MSL2: variants seen among roughly 807,000 people sequenced by gnomAD.
MSL2 encodes the protein MSL complex subunit 2.
A neutral mutation model predicts 35.8 loss-of-function variants in MSL2; 2 were observed. That is an observed-to-expected ratio of 0.06 (90% CI 0.02 to 0.18). MSL2 has a LOEUF of 0.18. Ranked by LOEUF, MSL2 falls within the 10% of genes least tolerant of loss-of-function variation. The probability of loss-of-function intolerance (pLI) is 1.00; values close to 1 mark genes in which losing one functional copy is unlikely to be tolerated. For synonymous variants in MSL2, 296 were observed against 255.7 expected (o/e 1.16, Z -1.50); for missense variants, 523 against 706.7 (o/e 0.74, Z 2.95).
chr3:136,165,109 C>G (rs192757607), intron 1 of MSL2, among the ~76,000 whole-genome samples: 57 of 151,568 alleles, frequency 3.8e-4, no homozygotes, highest in African/African-American at 1.3e-3. Flanking sequence ...TGCTGGCGCT[C>G]AGGTGATCCG....
intron 1 of MSL2, among the ~76,000 whole-genome samples, chr3:136,191,858 T>C (rs996312296): frequency 2.6e-5 from 4 of 152,182 alleles, no homozygotes; most frequent in African/African-American, 9.7e-5. Flanking sequence ...ATAAAGGCAA[T>C]TGGCAAAAAG....
At chr3:136,187,045 T>C (rs139288815) in intron 1 of MSL2, among the ~76,000 whole-genome samples, 1 of 152,298 alleles carries the variant, frequency 6.6e-6, no homozygotes, top group East Asian at 1.9e-4. Context: ...CCAAATATTT[T>C]AGATCCAAGG....
At chr3:136,171,711 A>G (rs527805771) in intron 1 of MSL2, among the ~76,000 whole-genome samples, 1 of 152,284 alleles carries the variant, frequency 6.6e-6, no homozygotes, top group South Asian at 2.1e-4. Flanking sequence ...TCTTAAAGCT[A>G]TTAACTAAAT....
intron 1 of MSL2, among the ~76,000 whole-genome samples, chr3:136,178,515 G>A (rs1235034936): frequency 6.7e-6 from 1 of 149,936 alleles, no homozygotes; most frequent in East Asian, 1.9e-4. Context: ...AGACAGCACT[G>A]CTTAAATTTA....
intron 1 of MSL2, among the ~76,000 whole-genome samples, chr3:136,184,720 G>T (rs555003334): frequency 8.4e-6 from 1 of 119,744 alleles, no homozygotes; most frequent in Non-Finnish European, 1.6e-5. Flanking sequence ...TCTTACAGGA[G>T]CAAGTTAGAT....
In MSL2 at chr3:136,151,077, A is replaced by C; in HGVS notation, c.*70T>G. 1 of 1,536,606 alleles carries C rather than the reference A, an allele frequency of 6.5e-7. No homozygotes were observed. The highest frequency in any genetic ancestry group is 8.9e-7 in the Non-Finnish European group (1 of 1,129,724). ...TGCAGGAGCTCCGGCAAGTTAAACC[A>C]ACAGAACCATAGCTGCCGTAAAACT... On this transcript the variant is annotated 3_prime_UTR_variant, in exon 2 of 2. Coordinates refer to ENST00000309993, the MANE Select transcript of MSL2 (RefSeq NM_018133.4). The surrounding 1 kb of genome is among the most constrained non-coding windows in gnomAD (Gnocchi z 5.2).
At chr3:136,189,935 A>G (rs888585619) in intron 1 of MSL2, among the ~76,000 whole-genome samples, 1 of 151,742 alleles carries the variant, frequency 6.6e-6, no homozygotes, top group African/African-American at 2.4e-5. Context: ...ACAAATATTA[A>G]CCAGGCGCGG....
intron 1 of MSL2, among the ~76,000 whole-genome samples, chr3:136,183,689 T>G (rs1303448651): frequency 1.3e-5 from 2 of 152,112 alleles, no homozygotes; most frequent in Non-Finnish European, 1.5e-5. Flanking sequence ...TTCCATAAGT[T>G]CCAAAAGGTT....
At position 136,195,398 on chromosome 3, in the gene MSL2, C is replaced by T. The variant is rs1559977267; in HGVS notation, c.-285G>A. 8.7e-7 allele frequency: 1 copy of T among 1,148,376 alleles called. No homozygotes were observed. Among genetic ancestry groups the T allele is most frequent in the Non-Finnish European group, 1.1e-6 (1 of 931,910 alleles). 71.1% of individuals were successfully genotyped at this position (1,148,376 alleles called of 1,614,324 possible). A position where few individuals can be genotyped will look rare whatever the true frequency, so the allele number is the denominator to read the frequency against. On this transcript the variant is annotated 5_prime_UTR_variant, in exon 1 of 2. Transcript: ENST00000309993. ...AGCGACCACAGAGCGCAGAACGCGG[C>T]GGCTTGGGCGCTCGGGGCGGGACTC... is the stretch of plus-strand genomic sequence containing the variant.
chr3:136,165,167 C>T, intron 1 of MSL2, among the ~76,000 whole-genome samples: 1 of 142,994 alleles, frequency 7.0e-6, no homozygotes, highest in South Asian at 2.2e-4. Flanking sequence ...TGAGCCACCG[C>T]ACAAGCCCAG....
In MSL2 at chr3:136,195,808, G is replaced by A. The variant is rs1018596837; in HGVS notation, c.-695C>T. On this transcript the variant is annotated 5_prime_UTR_variant, in exon 1 of 2. Transcript: ENST00000309993. Reference sequence around the variant, plus strand: ...TTCCCCGAGGTGGCGAGGCGGGCGGGAGTCCTCAACCCGGAGGGGAAGGCC... The same window carrying A: ...TTCCCCGAGGTGGCGAGGCGGGCGGAAGTCCTCAACCCGGAGGGGAAGGCC... 3.0e-6 allele frequency: 3 copies of A among 984,874 alleles called. No individual in the cohort carries two copies. In the African/African-American group the frequency reaches 5.3e-5, roughly 17 times the overall value. The allele number at this position is 984,874 out of a possible 1,614,324, so 61.0% of individuals were successfully genotyped here.
intron 1 of MSL2, among the ~76,000 whole-genome samples, chr3:136,186,999 AT>A (rs1193989219): frequency 2.0e-5 from 3 of 152,208 alleles, no homozygotes; most frequent in African/African-American, 7.2e-5. Flanking sequence ...CCAAAAAAAA[AT>A]GTCCATACAT....
At chr3:136,172,599 T>TC (rs1405710771) in intron 1 of MSL2, among the ~76,000 whole-genome samples, 1 of 152,138 alleles carries the variant, frequency 6.6e-6, no homozygotes, top group Non-Finnish European at 1.5e-5. Context: ...TAACACTGTC[T>TC]CCGTCATCTC....
chr3:136,184,655 C>G (rs1284485399), intron 1 of MSL2, among the ~76,000 whole-genome samples: 1 of 148,050 alleles, frequency 6.8e-6, no homozygotes, highest in Non-Finnish European at 1.5e-5. Context: ...CAACCTCCAG[C>G]GTACAAGAAG....
intron 1 of MSL2, among the ~76,000 whole-genome samples, chr3:136,156,491 T>G (rs1411054143): frequency 2.6e-5 from 4 of 152,222 alleles, no homozygotes; most frequent in Non-Finnish European, 5.9e-5. Context: ...TCCCCCTTTT[T>G]TCCCAAAAGC....
chr3:136,180,798 GA>G (rs1940328094), intron 1 of MSL2, among the ~76,000 whole-genome samples: 1 of 89,694 alleles, frequency 1.1e-5, no homozygotes. Flanking sequence ...GGGAGGGAGG[GA>G]GGGAGGGAGG....
At chr3:136,193,173 T>A (rs1390060678) in intron 1 of MSL2, among the ~76,000 whole-genome samples, 2 of 152,226 alleles carry the variant, frequency 1.3e-5, no homozygotes, top group Non-Finnish European at 2.9e-5. Flanking sequence ...TTATCTTTAA[T>A]TCCATTATTT....
At position 136,149,400 on chromosome 3, in the gene MSL2, TA is replaced by T. The variant is rs1318991806; in HGVS notation, c.*1746del. On this transcript the variant is annotated 3_prime_UTR_variant, in exon 2 of 2. Coordinates refer to ENST00000309993, the MANE Select transcript of MSL2 (RefSeq NM_018133.4). ...ACTGCTAACACTTAAAGGAATTAAA[TA>T]AAATTCCAAATCTTGGAAAGCAAAT... is the stretch of plus-strand genomic sequence containing the variant. 6.6e-6 allele frequency: 1 copy of T among 152,374 alleles called. No homozygotes were observed. Among genetic ancestry groups the T allele is most frequent in the African/African-American group, 2.4e-5 (1 of 41,392 alleles). 9.4% of individuals were successfully genotyped at this position (152,374 alleles called of 1,614,324 possible). A position where few individuals can be genotyped will look rare whatever the true frequency, so the allele number is the denominator to read the frequency against.
At chr3:136,175,427 T>C (rs1401051595) in intron 1 of MSL2, among the ~76,000 whole-genome samples, 1 of 151,776 alleles carries the variant, frequency 6.6e-6, no homozygotes, top group Non-Finnish European at 1.5e-5. Context: ...GGCTCACACT[T>C]ACAATACCAG....
Sources: gnomAD v4.1 joint callset for allele counts (sites outside exome capture counted in the v4.1 genomes callset) on GRCh38, gnomAD v4.1.1 for gene constraint, Gnocchi (gnomAD v3.1) non-coding constraint, MANE v1.5 for transcripts, NCBI Gene and HGNC (gene_info 2026-07-23, HGNC 2026-07-21) for gene names.